Variants in CORO1C observed in about 807,000 individuals in gnomAD.
CORO1C encodes coronin 1C.
Under a neutral mutation model 51.2 loss-of-function variants are expected in CORO1C, and 14 were observed. The observed-to-expected ratio is 0.27, with a 90% confidence interval of 0.18 to 0.43. The LOEUF (loss-of-function observed/expected upper bound fraction) is 0.43. Among genes scored for constraint, CORO1C ranks in the 20% least tolerant of loss-of-function variants. The probability of loss-of-function intolerance (pLI) is 1.00; values close to 1 mark genes in which losing one functional copy is unlikely to be tolerated. For missense variants in CORO1C, 417 were observed against 607.8 expected, an observed-to-expected ratio of 0.69 and a Z score of 3.30; for synonymous variants, 181 against 210.5, an observed-to-expected ratio of 0.86 and a Z score of 1.21.
chr12:108,729,231 C>A (rs2035660494), intron 1 of CORO1C, among the ~76,000 whole-genome samples: 1 of 152,094 alleles, frequency 6.6e-6, no homozygotes, highest in Non-Finnish European at 1.5e-5. Flanking sequence ...AAACTTTTAT[C>A]AAAAAATCCA....
In CORO1C at chr12:108,678,364, C is replaced by G; in HGVS notation, c.226G>C (p.Val76Leu). ...TGRIDKSYPTVCGHTGPVLDI... is the reference protein window; with the variant it reads ...TGRIDKSYPTLCGHTGPVLDI... The stretch of plus-strand genomic sequence containing the variant: ...AGCACTGGTCCTGTGTGGCCACATA[C>G]TGTAGGGTAAGATTTGTCAATTCGA... The change falls in exon 3 of 11, where the codon GTA becomes CTA. Residue 76 changes from valine to leucine, a missense_variant. Coordinates refer to ENST00000261401, the MANE Select transcript of CORO1C (RefSeq NM_014325.4). 1 of 1,600,616 alleles carries G rather than the reference C, an allele frequency of 6.2e-7. No individual in the cohort carries two copies. The highest frequency in any genetic ancestry group is 2.3e-5 in the East Asian group (1 of 43,900).
Position 108,652,388 on chromosome 12 carries a change from G to A in CORO1C, c.885C>T (p.Ile295=). Residue 295 remains isoleucine, a synonymous_variant, in exon 8 of 11, where the codon ATC becomes ATT. Transcript: ENST00000261401. Reference sequence around the variant, plus strand: ...AGTGGACGTACGGGGATTCATCCGTGATCTCAAAATAGCGAATACTGCTGT... The same window carrying A: ...AGTGGACGTACGGGGATTCATCCGTAATCTCAAAATAGCGAATACTGCTGT... The part of the protein sequence containing the change: ...KGDSSIRYFE[I]TDESPYVHYL... The A allele has an allele frequency of 6.2e-7, 1 of 1,613,704 alleles. No individual in the cohort carries two copies. The highest frequency in any genetic ancestry group is 2.2e-5 in the East Asian group (1 of 44,880).
chr12:108,685,546 T>C (rs2034264351), intron 2 of CORO1C, among the ~76,000 whole-genome samples: 1 of 151,720 alleles, frequency 6.6e-6, no homozygotes, highest in Non-Finnish European at 1.5e-5. Flanking sequence ...AGCAAAGATC[T>C]AAAATATCAC....
At chr12:108,697,049 AT>A (rs2034710200) in intron 2 of CORO1C, among the ~76,000 whole-genome samples, 1 of 152,188 alleles carries the variant, frequency 6.6e-6, no homozygotes, top group African/African-American at 2.4e-5. Flanking sequence ...TTCACTTCAG[AT>A]TTTAAGTCCT....
chr12:108,650,016 T>G (rs1463246580), intron 8 of CORO1C, among the ~76,000 whole-genome samples: 1 of 152,156 alleles, frequency 6.6e-6, no homozygotes, highest in Non-Finnish European at 1.5e-5. Flanking sequence ...GAAGACAACC[T>G]GGCAGATACA....
chr12:108,695,415 T>C (rs1448679594), intron 2 of CORO1C, among the ~76,000 whole-genome samples: 1 of 152,164 alleles, frequency 6.6e-6, no homozygotes, highest in Admixed American at 6.5e-5. Flanking sequence ...ACCATATACA[T>C]AGCCACCCAG....
intron 2 of CORO1C, among the ~76,000 whole-genome samples, chr12:108,692,013 T>C (rs1465610903): frequency 7.2e-6 from 1 of 138,742 alleles, no homozygotes; most frequent in Non-Finnish European, 1.6e-5. Flanking sequence ...CCAGCAAAAC[T>C]GTGGATAACA....
At chr12:108,670,067 T>TG (rs2033655579) in intron 3 of CORO1C, among the ~76,000 whole-genome samples, 1 of 152,146 alleles carries the variant, frequency 6.6e-6, no homozygotes, top group African/African-American at 2.4e-5. Flanking sequence ...GCAGCATTTT[T>TG]TGGGGGTTTT....
intron 1 of CORO1C, 107 bp from the exon 2 acceptor site, chr12:108,701,430 T>C: frequency 6.5e-7 from 1 of 1,537,938 alleles, no homozygotes; most frequent in Non-Finnish European, 8.8e-7. Context: ...TATGGCATTT[T>C]GTCTGCTCTC....
chr12:108,659,097 A>G (rs2033149699), intron 4 of CORO1C, among the ~76,000 whole-genome samples, 178 bp from the exon 5 acceptor site: 1 of 152,238 alleles, frequency 6.6e-6, no homozygotes, highest in South Asian at 2.1e-4. Context: ...CCTACTTACT[A>G]ACAGCGTTAA....
chr12:108,723,452 C>T (rs1052905345), intron 1 of CORO1C, among the ~76,000 whole-genome samples: 1 of 152,196 alleles, frequency 6.6e-6, no homozygotes, highest in African/African-American at 2.4e-5. Flanking sequence ...GTCATGCACC[C>T]CTATGATATC....
chr12:108,694,543 T>C (rs1406624045), intron 2 of CORO1C, among the ~76,000 whole-genome samples: 1 of 152,140 alleles, frequency 6.6e-6, no homozygotes, highest in Admixed American at 6.5e-5. Flanking sequence ...AAATAAAACA[T>C]CACTTTTAGT....
At chr12:108,688,055 C>T (rs1023389907) in intron 2 of CORO1C, among the ~76,000 whole-genome samples, 1 of 151,782 alleles carries the variant, frequency 6.6e-6, no homozygotes, top group South Asian at 2.1e-4. Context: ...TCCTGAGTAG[C>T]TGGGATTACA....
chr12:108,650,352 T>A (rs1044492830), intron 8 of CORO1C, among the ~76,000 whole-genome samples: 7 of 152,078 alleles, frequency 4.6e-5, no homozygotes, highest in African/African-American at 4.8e-5. Flanking sequence ...CTAATTTTTT[T>A]AATGTTTTGT....
chr12:108,656,401 C>T (rs535840869), intron 6 of CORO1C, among the ~76,000 whole-genome samples: 4 of 150,782 alleles, frequency 2.7e-5, no homozygotes, highest in Non-Finnish European at 5.9e-5. Context: ...AGCCCCCGCC[C>T]GGCCAGCAGC....
chr12:108,724,319 T>C (rs1226500965), intron 1 of CORO1C, among the ~76,000 whole-genome samples: 3 of 152,152 alleles, frequency 2.0e-5, no homozygotes, highest in Admixed American at 6.5e-5. Flanking sequence ...CCATGTCAGG[T>C]TCACATTGTT....
chr12:108,657,058 A>T (rs529802738), intron 6 of CORO1C, among the ~76,000 whole-genome samples: 45 of 135,820 alleles, frequency 3.3e-4, no homozygotes, highest in African/African-American at 8.2e-4. Context: ...AATTAAAATT[A>T]AAAAAAATTA....
chr12:108,723,928 A>G (rs2035530674), intron 1 of CORO1C, among the ~76,000 whole-genome samples: 1 of 152,220 alleles, frequency 6.6e-6, no homozygotes, highest in African/African-American at 2.4e-5. Flanking sequence ...CTTTAAAACC[A>G]CTGCTTACTA....
rs776896693 is a variant in CORO1C, at chr12:108,657,289, C to G, written c.750+15G>C. ...GCTCAAGTGAAAGCAAGTGGAAAGC[C>G]TGGGGAGGGCGTACCGGATTCCAGA... On this transcript the variant is annotated intron_variant, in intron 6 of 10. Transcript: ENST00000261401. The G allele has an allele frequency of 6.2e-7, 1 of 1,611,832 alleles. No homozygotes were observed. The highest frequency in any genetic ancestry group is 2.2e-5 in the East Asian group (1 of 44,796).
Sources: gnomAD v4.1 joint callset for allele counts (sites outside exome capture counted in the v4.1 genomes callset) on GRCh38, gnomAD v4.1.1 for gene constraint, MANE v1.5 for transcripts, NCBI Gene and HGNC (gene_info 2026-07-23, HGNC 2026-07-21) for gene names.